OR2F1: variants seen among roughly 807,000 people sequenced by gnomAD.
OR2F1 encodes the protein olfactory receptor family 2 subfamily F member 1.
For missense variants in OR2F1, 389 were observed against 378.2 expected, an observed-to-expected ratio of 1.03 and a Z score of -0.24; for synonymous variants, 146 against 155.3, an observed-to-expected ratio of 0.94 and a Z score of 0.44.
chr7:143,961,936 G>C lies in OR2F1; in HGVS notation c.*1012G>C, dbSNP rs368324448. 1 of 152,134 alleles carries C rather than the reference G, an allele frequency of 6.6e-6. No individual in the cohort carries two copies. Among genetic ancestry groups the C allele is most frequent in the Non-Finnish European group, 1.5e-5 (1 of 68,026 alleles). The allele number at this position is 152,134 out of a possible 1,614,324, so 9.4% of individuals were successfully genotyped here. On this transcript the variant is annotated 3_prime_UTR_variant, in exon 3 of 3. Transcript: ENST00000641412. ...AACTTCTCTTGCCACCTCCGTCTTC[G>C]TCACCTTCACACACACAACAGAGCC... is the stretch of plus-strand genomic sequence containing the variant.
rs750010099 is a variant in OR2F1, at chr7:143,960,382, G to A, written c.412G>A (p.Gly138Arg). ...DALRYSAIMHGGLCARLAITS... is the reference protein window; with the variant it reads ...DALRYSAIMHRGLCARLAITS... ...CCTGCGATACTCGGCCATCATGCAT[G>A]GAGGGCTGTGTGCTAGGTTGGCCAT... The change falls in exon 3 of 3, where the codon GGA becomes AGA. Residue 138 changes from glycine (G) to arginine (R), a missense_variant. Transcript: ENST00000641412. The A allele has an allele frequency of 1.2e-6, 2 of 1,614,172 alleles. No homozygotes were observed. The highest frequency in any genetic ancestry group is 1.7e-5 in the Admixed American group (1 of 60,010).
At position 143,960,110 on chromosome 7, in the gene OR2F1, T is replaced by C. The variant is rs752680018; in HGVS notation, c.140T>C (p.Leu47Pro). The C allele has an allele frequency of 1.2e-6, 2 of 1,614,204 alleles. No individual in the cohort carries two copies. The highest frequency in any genetic ancestry group is 1.7e-6 in the Non-Finnish European group (2 of 1,180,034). ...VTVLGNCLIVLLIRLDSRLHT... is the reference protein window; with the variant it reads ...VTVLGNCLIVPLIRLDSRLHT... ...GTGCTGGGGAACTGTCTCATTGTCC[T>C]TCTGATCAGACTGGACAGCCGACTC... Residue 47 changes from leucine (L) to proline (P), a missense_variant, in exon 3 of 3, where the codon CTT becomes CCT. Transcript: ENST00000641412.
At position 143,962,727 on chromosome 7, in the gene OR2F1, G is replaced by A. The variant is rs904865260; in HGVS notation, c.*1803G>A. On this transcript the variant is annotated 3_prime_UTR_variant, in exon 3 of 3. Coordinates refer to ENST00000641412, the MANE Select transcript of OR2F1 (RefSeq NM_012369.3). ...AGAGTAGTGAGGACGAAGCAGACGG[G>A]TTAGACACGGTCAGATCCTGGAAGG... The A allele has an allele frequency of 6.6e-6, 1 of 152,218 alleles. No homozygotes were observed. The highest frequency in any genetic ancestry group is 2.4e-5 in the African/African-American group (1 of 41,460). The allele number at this position is 152,218 out of a possible 1,614,324, so 9.4% of individuals were successfully genotyped here. A position where few individuals can be genotyped will look rare whatever the true frequency, so the allele number is the denominator to read the frequency against.
Position 143,960,045 on chromosome 7 carries a change from C to G in OR2F1, c.75C>G (p.Val25=), listed in dbSNP as rs182837777. The G allele has an allele frequency of 3.1e-4, 502 of 1,614,080 alleles. 1 individual carries two copies. The highest frequency in any genetic ancestry group is 2.8e-3 in the South Asian group (258 of 91,078). The change falls in exon 3 of 3, where the codon GTC becomes GTG. Residue 25 remains valine (V), a synonymous_variant. Transcript: ENST00000641412. ...TGTCCAGTGACTGGGACACTCGGGT[C>G]TCCCTGTTTGTCCTGTTCTTGGTCA... is the stretch of plus-strand genomic sequence containing the variant. ...LGLSSDWDTR[V]SLFVLFLVMY...
In OR2F1 at chr7:143,961,740, A is replaced by G. The variant is rs1229003680; in HGVS notation, c.*816A>G. Reference sequence around the variant, plus strand: ...TTCTCAGAATCTTCAGAAACACACAAAAAAGCACACAAATTATGAGATACT... The same window carrying G: ...TTCTCAGAATCTTCAGAAACACACAGAAAAGCACACAAATTATGAGATACT... On this transcript the variant is annotated 3_prime_UTR_variant, in exon 3 of 3. Transcript: ENST00000641412. 1 of 152,234 alleles carries G rather than the reference A, an allele frequency of 6.6e-6. No individual in the cohort carries two copies. Among genetic ancestry groups the G allele is most frequent in the Non-Finnish European group, 1.5e-5 (1 of 68,040 alleles). 9.4% of individuals were successfully genotyped at this position (152,234 alleles called of 1,614,324 possible).
Position 143,960,960 on chromosome 7 carries a change from C to T in OR2F1, c.*36C>T, listed in dbSNP as rs1475132856. ...TGACTTAGAGAAAACAGCTTTGCCT[C>T]AGTGTTCTCCACCCAGCTGAGATCT... On this transcript the variant is annotated 3_prime_UTR_variant, in exon 3 of 3. Coordinates refer to ENST00000641412, the MANE Select transcript of OR2F1 (RefSeq NM_012369.3). 1.3e-6 allele frequency: 2 copies of T among 1,497,482 alleles called. No homozygotes were observed. Among genetic ancestry groups the T allele is most frequent in the Admixed American group, 1.9e-5 (1 of 54,044 alleles). 92.8% of individuals were successfully genotyped at this position (1,497,482 alleles called of 1,614,324 possible). A position where few individuals can be genotyped will look rare whatever the true frequency, so the allele number is the denominator to read the frequency against.
intron 1 of OR2F1, among the ~76,000 whole-genome samples, chr7:143,957,269 G>A (rs1347154645): frequency 2.0e-5 from 3 of 152,182 alleles, no homozygotes; most frequent in Admixed American, 2.0e-4. Flanking sequence ...TGGTGACAAG[G>A]CAAATTCGAT....
At chr7:143,958,136 A>G (rs1486836666) in intron 1 of OR2F1, among the ~76,000 whole-genome samples, 1 of 152,172 alleles carries the variant, frequency 6.6e-6, no homozygotes, top group Admixed American at 6.5e-5. Context: ...TAAGGGTAAT[A>G]TTCACCCTAA....
rs1309035046 is a variant in OR2F1, at chr7:143,963,802, G to A, written c.*2878G>A. 6.6e-6 allele frequency: 1 copy of A among 152,228 alleles called. No homozygotes were observed. The highest frequency in any genetic ancestry group is 1.5e-5 in the Non-Finnish European group (1 of 68,076). The allele number at this position is 152,228 out of a possible 1,614,324, so 9.4% of individuals were successfully genotyped here. A position where few individuals can be genotyped will look rare whatever the true frequency, so the allele number is the denominator to read the frequency against. ...GAGGCCAGAAGACTCAGGCAATCTAGTCCTTCCATGTTCCTCTGCCTGCTT... is the reference window on the plus strand; with the variant it reads ...GAGGCCAGAAGACTCAGGCAATCTAATCCTTCCATGTTCCTCTGCCTGCTT... On this transcript the variant is annotated 3_prime_UTR_variant, in exon 3 of 3. Coordinates refer to ENST00000641412, the MANE Select transcript of OR2F1 (RefSeq NM_012369.3).
In OR2F1 at chr7:143,960,411, A is replaced by G. The variant is rs1422710632; in HGVS notation, c.441A>G (p.Thr147=). ...HGGLCARLAI[T]SWVSGFISSP... ...GGCTGTGTGCTAGGTTGGCCATCAC[A>G]TCCTGGGTCAGTGGCTTCATCAGCT... The change falls in exon 3 of 3, where the codon ACA becomes ACG. Residue 147 remains threonine, a synonymous_variant. Transcript: ENST00000641412. 6.2e-7 allele frequency: 1 copy of G among 1,614,174 alleles called. No homozygotes were observed. Among genetic ancestry groups the G allele is most frequent in the Admixed American group, 1.7e-5 (1 of 60,018 alleles).
rs1349694222 is a variant in OR2F1, at chr7:143,962,046, GA to G, written c.*1123del. 3.9e-5 allele frequency: 6 copies of G among 152,164 alleles called. No individual in the cohort carries two copies. The highest frequency in any genetic ancestry group is 1.4e-4 in the African/African-American group (6 of 41,438). 9.4% of individuals were successfully genotyped at this position (152,164 alleles called of 1,614,324 possible). A position where few individuals can be genotyped will look rare whatever the true frequency, so the allele number is the denominator to read the frequency against. ...AAAAGGAGCATAACTGATGTAAAAG[GA>G]GAAGACATAATTGAAAAAGTGGAAA... On this transcript the variant is annotated 3_prime_UTR_variant, in exon 3 of 3. Transcript: ENST00000641412.
chr7:143,959,564 G>A (rs2050308656), intron 2 of OR2F1, among the ~76,000 whole-genome samples: 1 of 152,158 alleles, frequency 6.6e-6, no homozygotes, highest in African/African-American at 2.4e-5. Context: ...GATGAGTCTA[G>A]TTGACATGTT....
chr7:143,960,374 T>A lies in OR2F1; in HGVS notation c.404T>A (p.Ile135Asn). The A allele has an allele frequency of 6.2e-7, 1 of 1,614,152 alleles. No individual in the cohort carries two copies. The change falls in exon 3 of 3, where the codon ATC becomes AAC. Residue 135 changes from isoleucine to asparagine, a missense_variant. Transcript: ENST00000641412. ...TGTGATGCCCTGCGATACTCGGCCA[T>A]CATGCATGGAGGGCTGTGTGCTAGG... ...AVCDALRYSAIMHGGLCARLA... is the reference protein window; with the variant it reads ...AVCDALRYSANMHGGLCARLA...
At chr7:143,958,459 G>T (rs1413168677) in intron 1 of OR2F1, among the ~76,000 whole-genome samples, 1 of 152,120 alleles carries the variant, frequency 6.6e-6, no homozygotes, top group Non-Finnish European at 1.5e-5. Context: ...TAGAAAAAAT[G>T]GTTGTGAACT....
In OR2F1 at chr7:143,960,361, C is replaced by T. The variant is rs771184781; in HGVS notation, c.391C>T (p.Arg131Ter). ...CTATGTGGCTGTGTGTGATGCCCTG[C>T]GATACTCGGCCATCATGCATGGAGG... ...DRYVAVCDAL[R>*]YSAIMHGGLC... is the part of the protein sequence containing the mutation. Residue 131 changes from arginine (R) to a stop codon, truncating the protein, a stop_gained, in exon 3 of 3, where the codon CGA (arginine) becomes TGA (stop). Transcript: ENST00000641412. LOFTEE classifies it low-confidence loss of function (END_TRUNC). 18 of 1,613,994 alleles carry T rather than the reference C, an allele frequency of 1.1e-5. No homozygotes were observed. Among genetic ancestry groups the T allele is most frequent in the Middle Eastern group, 1.6e-4 (1 of 6,084 alleles).
chr7:143,964,041 T>C lies in OR2F1; in HGVS notation c.*3117T>C, dbSNP rs76396683. 6 of 152,290 alleles carry C rather than the reference T, an allele frequency of 3.9e-5. No individual in the cohort carries two copies. Among genetic ancestry groups the C allele is most frequent in the Non-Finnish European group, 7.4e-5 (5 of 68,020 alleles). 9.4% of individuals were successfully genotyped at this position (152,290 alleles called of 1,614,324 possible). A position where few individuals can be genotyped will look rare whatever the true frequency, so the allele number is the denominator to read the frequency against. Reference sequence around the variant, plus strand: ...ATCTATTAAATTTCAATTTTTATCTTTTTTATTTGATAGAGTTTTTAATTT... The same window carrying C: ...ATCTATTAAATTTCAATTTTTATCTCTTTTATTTGATAGAGTTTTTAATTT... On this transcript the variant is annotated 3_prime_UTR_variant, in exon 3 of 3. Transcript: ENST00000641412.
rs2050314695 is a variant in OR2F1, at chr7:143,960,173, T to A, written c.203T>A (p.Leu68His). ...TATTTCTTTCTCACCAACCTCTCCCTTGTCGATGTCTCCTATGCCACAAGT... is the reference window on the plus strand; with the variant it reads ...TATTTCTTTCTCACCAACCTCTCCCATGTCGATGTCTCCTATGCCACAAGT... ...PMYFFLTNLS[L>H]VDVSYATSVV... is the part of the protein sequence containing the mutation. Residue 68 changes from leucine (L) to histidine (H), a missense_variant, in exon 3 of 3, where the codon CTT (leucine) becomes CAT (histidine). Coordinates refer to ENST00000641412, the MANE Select transcript of OR2F1 (RefSeq NM_012369.3). The A allele has an allele frequency of 3.1e-6, 5 of 1,614,174 alleles. No individual in the cohort carries two copies. The highest frequency in any genetic ancestry group is 1.1e-5 in the South Asian group (1 of 91,078).
intron 1 of OR2F1, among the ~76,000 whole-genome samples, 173 bp downstream of exon 1, chr7:143,955,276 G>T (rs12703547): frequency 0.17 from 25,815 of 151,916 alleles, 2,428 homozygotes; most frequent in East Asian, 0.37. Context: ...TTTGAGCTTT[G>T]CTATTCATAC....
chr7:143,964,021 T>G lies in OR2F1; in HGVS notation c.*3097T>G, dbSNP rs1189510961. The G allele has an allele frequency of 6.6e-6, 1 of 152,208 alleles. No individual in the cohort carries two copies. The highest frequency in any genetic ancestry group is 2.4e-5 in the African/African-American group (1 of 41,458). The allele number at this position is 152,208 out of a possible 1,614,324, so 9.4% of individuals were successfully genotyped here. ...TATTAACCATCATATATTCCATCTA[T>G]TAAATTTCAATTTTTATCTTTTTTA... On this transcript the variant is annotated 3_prime_UTR_variant, in exon 3 of 3. Transcript: ENST00000641412.
Sources: allele counts gnomAD v4.1 joint callset (sites outside exome capture counted in the v4.1 genomes callset), GRCh38; gene constraint gnomAD v4.1.1; transcripts MANE v1.5; gene names NCBI Gene and HGNC (gene_info 2026-07-23, HGNC 2026-07-21).